MAL: variants seen among roughly 807,000 people sequenced by gnomAD.
MAL encodes the protein mal, T cell differentiation protein (MAL blood group), also known as myelin and lymphocyte protein.
Under a neutral mutation model 16.7 loss-of-function variants are expected in MAL, and 5 were observed. The observed-to-expected ratio is 0.30, with a 90% CI of 0.16 to 0.63. The LOEUF (loss-of-function observed/expected upper bound fraction) is 0.63, where lower values mean the gene tolerates loss of function less well. Among genes scored for constraint, MAL ranks in the 30% least tolerant of loss-of-function variants. The probability of loss-of-function intolerance (pLI) is 0.82; values close to 1 mark genes in which losing one functional copy is unlikely to be tolerated. For synonymous variants in MAL, 96 were observed against 85.5 expected (o/e 1.12, Z -0.67); for missense variants, 202 against 195.8 (o/e 1.03, Z -0.19).
intron 2 of MAL, among the ~76,000 whole-genome samples, chr2:95,049,338 T>C (rs566574471): frequency 6.6e-6 from 1 of 152,292 alleles, no homozygotes; most frequent in East Asian, 1.9e-4. Context: ...CACCTCTCCC[T>C]TGACCCTTCC....
chr2:95,049,467 G>T, intron 2 of MAL, 114 bp from the exon 3 acceptor site: 1 of 1,361,054 alleles, frequency 7.3e-7, no homozygotes, highest in East Asian at 2.3e-5. Flanking sequence ...GGGAGGGGTG[G>T]GATTCAAAGG....
intron 1 of MAL, among the ~76,000 whole-genome samples, chr2:95,030,791 G>T (rs1674060034): frequency 1.3e-5 from 2 of 152,212 alleles, no homozygotes; most frequent in South Asian, 2.1e-4. Flanking sequence ...TGGGGTTGGG[G>T]TGGGGAGACA....
At chr2:95,048,755 C>G (rs1227813646) in intron 2 of MAL, among the ~76,000 whole-genome samples, 1 of 152,248 alleles carries the variant, frequency 6.6e-6, no homozygotes, top group African/African-American at 2.4e-5. Flanking sequence ...GCTACTTAGA[C>G]TTTTGAAATC....
chr2:95,049,189 C>T (rs1013741984), intron 2 of MAL, among the ~76,000 whole-genome samples: 21 of 149,864 alleles, frequency 1.4e-4, no homozygotes, highest in Non-Finnish European at 2.5e-4. Context: ...CAAAACAAAA[C>T]GAAAGAAACA....
chr2:95,035,347 T>C (rs1674179117), intron 1 of MAL, among the ~76,000 whole-genome samples: 1 of 152,218 alleles, frequency 6.6e-6, no homozygotes, highest in South Asian at 2.1e-4. Context: ...TTGGTTTCTG[T>C]TTATCCTGCT....
At chr2:95,053,285 GGCCCCCCCTACGC>G in intron 3 of MAL, 83 bp from the exon 4 acceptor site, 1 of 840,060 alleles carries the variant, frequency 1.2e-6, no homozygotes, top group Non-Finnish European at 2.1e-6. Flanking sequence ...CTCTGGGTCT[GGCCCCCCCTACGC>G]CACGTGGGGC....
chr2:95,035,507 G>A (rs1212099467), intron 1 of MAL, among the ~76,000 whole-genome samples: 2 of 152,066 alleles, frequency 1.3e-5, no homozygotes, highest in Non-Finnish European at 2.9e-5. Context: ...GAGGGAGGTG[G>A]GTGTTAAGTC....
At chr2:95,040,741 G>A (rs753182981) in intron 1 of MAL, among the ~76,000 whole-genome samples, 12 of 152,184 alleles carry the variant, frequency 7.9e-5, no homozygotes, top group Non-Finnish European at 1.5e-4. Context: ...TGCCTCCCTC[G>A]TCTGGCGGGG....
At position 95,049,664 on chromosome 2, in the gene MAL, C is replaced by T. The variant is rs779106964; in HGVS notation, c.345C>T (p.Asp115=). The change falls in exon 3 of 4, where the codon GAC becomes GAT. Residue 115 remains aspartate (D), a synonymous_variant. Coordinates refer to ENST00000309988, the MANE Select transcript of MAL (RefSeq NM_002371.4). ...CCCTGGCCACCATCACGATGCAAGA[C>T]GGCTTCACCTACAGGCACTACCATG... ...LEALATITMQ[D]GFTYRHYHEN... 19 of 1,614,042 alleles carry T rather than the reference C, an allele frequency of 1.2e-5. No individual in the cohort carries two copies. Among genetic ancestry groups the T allele is most frequent in the East Asian group, 2.2e-5 (1 of 44,870 alleles).
rs369165873 is a variant in MAL at position 95,026,904 on chromosome 2, G to A, written c.93+1019G>A. Among the ~76,000 whole-genome samples, 171 of 152,262 alleles carry A rather than the reference G, an allele frequency of 1.1e-3. 1 individual carries two copies. The South Asian group carries it at 0.035, about 31-fold the overall frequency. On this transcript the variant is annotated intron_variant, in intron 1 of 3. Transcript: ENST00000309988. ...ACCCCAGGTTGTTATTGCCTGATTG[G>A]AGGGGGAGGGTGTGAATACCAAAGG...
intron 1 of MAL, among the ~76,000 whole-genome samples, chr2:95,036,194 C>T (rs891689349): frequency 6.6e-6 from 1 of 152,142 alleles, no homozygotes; most frequent in African/African-American, 2.4e-5. Flanking sequence ...GTCCCAGCCC[C>T]GCTCCCAGGG....
intron 1 of MAL, among the ~76,000 whole-genome samples, chr2:95,035,452 G>A (rs1004289763): frequency 1.2e-4 from 19 of 152,146 alleles, no homozygotes; most frequent in African/African-American, 4.6e-4. Context: ...GGATCTGAGA[G>A]GAGTTTTTGT....
intron 3 of MAL, among the ~76,000 whole-genome samples, chr2:95,052,868 T>C (rs1674749150): frequency 6.6e-6 from 1 of 152,120 alleles, no homozygotes; most frequent in Non-Finnish European, 1.5e-5. Context: ...ACCTGTGATA[T>C]TAAGAATCCT....
Position 95,048,108 on chromosome 2 carries a change from G to C in MAL, c.243G>C (p.Glu81Asp). The C allele has an allele frequency of 1.2e-6, 2 of 1,613,680 alleles. No homozygotes were observed. The highest frequency in any genetic ancestry group is 1.3e-5 in the African/African-American group (1 of 75,028). The change falls in exon 2 of 4, where the codon GAG becomes GAC. Residue 81 changes from glutamate to aspartate, a missense_variant. Coordinates refer to ENST00000309988, the MANE Select transcript of MAL (RefSeq NM_002371.4). ...ILYIIGAHGGETSWVTLDAAY... is the reference protein window; with the variant it reads ...ILYIIGAHGGDTSWVTLDAAY... ...ACATAATTGGAGCCCACGGTGGAGA[G>C]ACTTCCTGGGTCACCTTGGTGAGTC... is the stretch of plus-strand genomic sequence containing the variant.
intron 1 of MAL, among the ~76,000 whole-genome samples, chr2:95,031,267 G>A (rs1335494590): frequency 2.0e-5 from 3 of 152,132 alleles, no homozygotes; most frequent in Non-Finnish European, 2.9e-5. Context: ...CTGGGATCCT[G>A]AGTAGGCAGC....
At chr2:95,044,613 T>C (rs1001816448) in intron 1 of MAL, 6 of 152,232 alleles carry the variant, frequency 3.9e-5, no homozygotes, top group African/African-American at 1.4e-4. Flanking sequence ...TGGGCTTTGT[T>C]CTATGGACAA....
chr2:95,035,261 C>A (rs1674177491), intron 1 of MAL, among the ~76,000 whole-genome samples: 1 of 152,226 alleles, frequency 6.6e-6, no homozygotes, highest in Non-Finnish European at 1.5e-5. Flanking sequence ...TGCATTTAAG[C>A]CACTCCTGTC....
chr2:95,025,869 T>C lies in MAL; in HGVS notation c.77T>C (p.Leu26Pro). The C allele has an allele frequency of 6.4e-7, 1 of 1,571,504 alleles. No homozygotes were observed. Among genetic ancestry groups the C allele is most frequent in the Non-Finnish European group, 8.6e-7 (1 of 1,159,276 alleles). The change falls in exon 1 of 4, where the codon CTC (leucine) becomes CCC (proline). Residue 26 changes from leucine (L) to proline (P), a missense_variant. By Grantham distance (98) the Leu-to-Pro change is moderately conservative. Transcript: ENST00000309988. The surrounding 1 kb of genome is among the most constrained non-coding windows in gnomAD (Gnocchi z 5.6). ...GTCTTCACCACCTTGCCCGACTTGC[T>C]CTTCATCTTTGAGTTTGTGAGTGGC... is the stretch of plus-strand genomic sequence containing the variant. ...FSVFTTLPDL[L>P]FIFEFIFGGL...
At chr2:95,048,953 AC>A (rs1674651590) in intron 2 of MAL, among the ~76,000 whole-genome samples, 1 of 152,140 alleles carries the variant, frequency 6.6e-6, no homozygotes, top group South Asian at 2.1e-4. Context: ...AGTAGCTGGG[AC>A]TACAGGCATG....
Sources: allele counts gnomAD v4.1 joint callset (sites outside exome capture counted in the v4.1 genomes callset), GRCh38; gene constraint gnomAD v4.1.1; non-coding constraint Gnocchi (gnomAD v3.1); transcripts MANE v1.5; gene names NCBI Gene and HGNC (gene_info 2026-07-23, HGNC 2026-07-21).